STIM2: variants seen among roughly 807,000 people sequenced by gnomAD.
STIM2 encodes stromal interaction molecule 2.
In STIM2, 31 loss-of-function variants were observed where a neutral mutation model predicts 85.8. That is an observed-to-expected ratio of 0.36 (90% confidence interval 0.27 to 0.49). The LOEUF (loss-of-function observed/expected upper bound fraction) is 0.49, where lower values mean the gene tolerates loss of function less well. Among genes scored for constraint, STIM2 ranks in the 20% least tolerant of loss-of-function variants. STIM2 has a pLI of 0.98. For missense variants in STIM2, 841 were observed against 927.6 expected, an observed-to-expected ratio of 0.91 and a Z score of 1.21; for synonymous variants, 356 against 331.1, an observed-to-expected ratio of 1.08 and a Z score of -0.82.
chr4:26,871,430 T>G (rs1722607080), intron 1 of STIM2, among the ~76,000 whole-genome samples: 1 of 152,218 alleles, frequency 6.6e-6, no homozygotes, highest in African/African-American at 2.4e-5. Context: ...GAGTTTCTCC[T>G]TCATTTACTT....
intron 11 of STIM2, chr4:27,020,937 T>C: frequency 6.9e-7 from 1 of 1,445,338 alleles, no homozygotes; most frequent in Non-Finnish European, 9.4e-7. Flanking sequence ...TGTATTTCTT[T>C]TGCCACTTTT....
intron 2 of STIM2, among the ~76,000 whole-genome samples, chr4:26,948,369 T>G (rs1321476127): frequency 6.6e-6 from 1 of 152,236 alleles, no homozygotes; most frequent in African/African-American, 2.4e-5. Flanking sequence ...AGGGATAGTC[T>G]TATTGGCTAG....
intron 1 of STIM2, among the ~76,000 whole-genome samples, chr4:26,914,472 C>T (rs13149039): frequency 0.12 from 18,177 of 152,068 alleles, 1,755 homozygotes; most frequent in African/African-American, 0.27. Context: ...ATGACTATTC[C>T]CTTAGTTTTG....
At chr4:26,957,006 G>C (rs1183386620) in intron 2 of STIM2, among the ~76,000 whole-genome samples, 1 of 152,040 alleles carries the variant, frequency 6.6e-6, no homozygotes, top group Non-Finnish European at 1.5e-5. Flanking sequence ...TGGTCCCTTG[G>C]TGTCTGTGGG....
At chr4:26,964,140 A>G (rs530732458) in intron 3 of STIM2, among the ~76,000 whole-genome samples, 161 of 152,182 alleles carry the variant, frequency 1.1e-3, no homozygotes, top group Non-Finnish European at 2.1e-3. Flanking sequence ...TCAGAGAAGG[A>G]GACCAGACTG....
intron 7 of STIM2, among the ~76,000 whole-genome samples, chr4:27,004,100 A>T (rs1046320890): frequency 2.6e-5 from 4 of 152,200 alleles, no homozygotes; most frequent in African/African-American, 9.7e-5. Flanking sequence ...CTAAATAAGA[A>T]ATGCAAATTA....
chr4:26,937,589 GTAT>G (rs929773522), intron 2 of STIM2, among the ~76,000 whole-genome samples: 2 of 151,864 alleles, frequency 1.3e-5, no homozygotes, highest in African/African-American at 4.8e-5. Context: ...TATTAGCCTT[GTAT>G]TATTATTATT....
chr4:26,942,673 A>AT (rs1056589756), intron 2 of STIM2, among the ~76,000 whole-genome samples: 6 of 152,076 alleles, frequency 3.9e-5, no homozygotes, highest in Non-Finnish European at 7.4e-5. Flanking sequence ...TTTTAAAGCA[A>AT]TTTTTTAAAA....
In STIM2 at chr4:26,860,907, A is replaced by G; in HGVS notation, c.-312A>G. Reference sequence around the variant, plus strand: ...GTCGTGCACCGCCTGAAGACGCCGTACCTTTCTACCCCCCACCTTTTTTTT... The same window carrying G: ...GTCGTGCACCGCCTGAAGACGCCGTGCCTTTCTACCCCCCACCTTTTTTTT... On this transcript the variant is annotated 5_prime_UTR_variant, in exon 1 of 12. Transcript: ENST00000467087. 9.3e-7 allele frequency: 1 copy of G among 1,080,410 alleles called. No homozygotes were observed. Among genetic ancestry groups the G allele is most frequent in the Non-Finnish European group, 1.1e-6 (1 of 880,442 alleles). 66.9% of individuals were successfully genotyped at this position (1,080,410 alleles called of 1,614,324 possible).
At chr4:26,871,631 C>T (rs1451516547) in intron 1 of STIM2, among the ~76,000 whole-genome samples, 2 of 151,030 alleles carry the variant, frequency 1.3e-5, no homozygotes, top group African/African-American at 2.4e-5. Context: ...ACAAGGATGA[C>T]GGAATGTAAT....
At chr4:26,882,599 A>G (rs946791913) in intron 1 of STIM2, among the ~76,000 whole-genome samples, 7 of 151,718 alleles carry the variant, frequency 4.6e-5, no homozygotes, top group African/African-American at 1.7e-4. Context: ...CTGGAGGTGA[A>G]TTCAGGCATG....
At chr4:26,985,537 A>G (rs1166641653) in intron 3 of STIM2, among the ~76,000 whole-genome samples, 1 of 152,220 alleles carries the variant, frequency 6.6e-6, no homozygotes, top group South Asian at 2.1e-4. Context: ...AACATTTCAT[A>G]TAGCCAACTT....
chr4:26,922,310 G>T (rs1405360211), intron 2 of STIM2, among the ~76,000 whole-genome samples: 2 of 151,792 alleles, frequency 1.3e-5, no homozygotes, highest in East Asian at 1.9e-4. Context: ...AATTATTATT[G>T]TACATTTTCT....
At chr4:27,003,591 G>A (rs1728232127) in intron 7 of STIM2, among the ~76,000 whole-genome samples, 1 of 152,020 alleles carries the variant, frequency 6.6e-6, no homozygotes, top group Non-Finnish European at 1.5e-5. Flanking sequence ...TAGGCATTTA[G>A]GCATTGCACG....
At chr4:26,907,524 T>G (rs191455504) in intron 1 of STIM2, among the ~76,000 whole-genome samples, 139 of 152,346 alleles carry the variant, frequency 9.1e-4, no homozygotes, top group Non-Finnish European at 1.9e-3. Context: ...AAAAAAAACT[T>G]GGAAAATAGT....
chr4:26,969,879 T>C (rs1577469958), intron 3 of STIM2, among the ~76,000 whole-genome samples: 1 of 152,148 alleles, frequency 6.6e-6, no homozygotes, highest in Non-Finnish European at 1.5e-5. Flanking sequence ...AACTAAACGC[T>C]TAATAAATTC....
At chr4:26,915,523 A>C (rs1379480982) in intron 1 of STIM2, among the ~76,000 whole-genome samples, 2 of 152,142 alleles carry the variant, frequency 1.3e-5, no homozygotes, top group East Asian at 3.9e-4. Context: ...GCGTTGAGCC[A>C]CTGTGCCCAG....
intron 2 of STIM2, among the ~76,000 whole-genome samples, chr4:26,944,176 A>G (rs1725725690): frequency 6.6e-6 from 1 of 152,196 alleles, no homozygotes; most frequent in Admixed American, 6.6e-5. Context: ...AATCTAGGAA[A>G]CAAAGTATAT....
chr4:26,895,653 T>C (rs1235413819), intron 1 of STIM2, among the ~76,000 whole-genome samples: 1 of 152,232 alleles, frequency 6.6e-6, no homozygotes, highest in Non-Finnish European at 1.5e-5. Context: ...CACTGTCATT[T>C]ATGAGAGCAA....
Sources: gnomAD v4.1 joint callset for allele counts (sites outside exome capture counted in the v4.1 genomes callset) on GRCh38, gnomAD v4.1.1 for gene constraint, MANE v1.5 for transcripts, NCBI Gene and HGNC (gene_info 2026-07-23, HGNC 2026-07-21) for gene names.